Variants in RGS5 observed in about 807,000 individuals in gnomAD.
The protein encoded by RGS5 is regulator of G protein signaling 5, also known as regulator of G-protein signalling 5.
In RGS5, 20 loss-of-function variants were observed where a neutral mutation model predicts 18.9. The observed-to-expected ratio is 1.06, with a 90% CI of 0.74 to 1.54. RGS5 has a LOEUF of 1.54. Ranked by LOEUF, RGS5 falls within the 40% of genes most tolerant of loss-of-function variation. The pLI, the probability that RGS5 is intolerant of heterozygous loss-of-function variation, is 0.00. For synonymous variants in RGS5, 57 were observed against 76.2 expected (o/e 0.75, Z 1.31); for missense variants, 201 against 211.8 (o/e 0.95, Z 0.32).
intron 1 of RGS5, among the ~76,000 whole-genome samples, chr1:163,172,935 T>C (rs1658371566): frequency 6.6e-6 from 1 of 152,094 alleles, no homozygotes; most frequent in African/African-American, 2.4e-5. Context: ...CGTTTCCCTT[T>C]CCTCCCTACC....
At chr1:163,172,640 C>T in intron 1 of RGS5, 1 of 1,544,254 alleles carries the variant, frequency 6.5e-7, no homozygotes, top group Non-Finnish European at 8.7e-7. Context: ...GAAAACACTT[C>T]TTTCTATGGC....
At chr1:163,286,525 G>A (rs189856003) in intron 2 of RGS5, among the ~76,000 whole-genome samples, 19 of 151,530 alleles carry the variant, frequency 1.3e-4, no homozygotes, top group African/African-American at 2.9e-4. Flanking sequence ...GATGTCATTC[G>A]TCTATTTTAT....
At chr1:163,186,320 C>T (rs538870641) in intron 1 of RGS5, among the ~76,000 whole-genome samples, 69 of 152,106 alleles carry the variant, frequency 4.5e-4, no homozygotes, top group African/African-American at 1.6e-3. Context: ...CTGCCCACCT[C>T]GGCCTCCCAA....
intron 1 of RGS5, among the ~76,000 whole-genome samples, chr1:163,208,501 C>G (rs1660011847): frequency 1.2e-5 from 1 of 81,360 alleles, no homozygotes; most frequent in Non-Finnish European, 2.2e-5. Flanking sequence ...GGCAACAGAA[C>G]AAGACTCCAC....
At chr1:163,300,972 T>C (rs772036023) in intron 2 of RGS5, among the ~76,000 whole-genome samples, 2 of 152,178 alleles carry the variant, frequency 1.3e-5, no homozygotes, top group Admixed American at 6.5e-5. Flanking sequence ...GCTACAGGCC[T>C]GGTATGGGAA....
At chr1:163,156,060 G>T (rs1327521565) in intron 3 of RGS5, among the ~76,000 whole-genome samples, 9 of 152,112 alleles carry the variant, frequency 5.9e-5, no homozygotes, top group African/African-American at 1.9e-4. Flanking sequence ...AAGTCAGTTT[G>T]CTACAAAGGA....
rs576035927 is a variant in RGS5, at chr1:163,160,373, T to C, written c.217+1542A>G. ...CCACTAAGGCAAGACAATAAGTCCA[T>C]TAATAAACATAAATATTATTCTACT... is the stretch of plus-strand genomic sequence containing the variant. On this transcript the variant is annotated intron_variant, in intron 3 of 4. Coordinates refer to ENST00000313961, the MANE Select transcript of RGS5 (RefSeq NM_003617.4). Among the ~76,000 whole-genome samples the C allele has an allele frequency of 8.6e-4, 131 of 152,312 alleles. 2 individuals are homozygous for C. Among genetic ancestry groups the C allele is most frequent in the African/African-American group, 3.0e-3 (126 of 41,578 alleles).
intron 2 of RGS5, among the ~76,000 whole-genome samples, chr1:163,285,998 G>GCGCGCACA (rs1553226793): frequency 1.3e-4 from 17 of 135,106 alleles, no homozygotes; most frequent in Middle Eastern, 3.7e-3. Context: ...TTTAATTTAT[G>GCGCGCACA]CACACACACA....
At chr1:163,274,834 A>G (rs1244568166) in intron 2 of RGS5, among the ~76,000 whole-genome samples, 1 of 152,180 alleles carries the variant, frequency 6.6e-6, no homozygotes, top group Non-Finnish European at 1.5e-5. Flanking sequence ...GTGGCCTGGT[A>G]TCACTTACAA....
At chr1:163,321,451 T>C (rs1208310235) in intron 1 of RGS5, 3 of 152,182 alleles carry the variant, frequency 2.0e-5, no homozygotes, top group African/African-American at 7.2e-5. Flanking sequence ...CGCAGAGAAC[T>C]GCATTCTCTG....
intron 1 of RGS5, among the ~76,000 whole-genome samples, chr1:163,186,787 A>G (rs776496823): frequency 6.6e-6 from 1 of 152,140 alleles, no homozygotes; most frequent in Admixed American, 6.5e-5. Flanking sequence ...TTTCTCATCT[A>G]TACAAGAAGG....
intron 1 of RGS5, among the ~76,000 whole-genome samples, chr1:163,317,104 T>C (rs376247559): frequency 2.0e-5 from 3 of 152,278 alleles, no homozygotes; most frequent in East Asian, 3.9e-4. Context: ...TTGCCATGTA[T>C]CTGGACATTG....
intron 2 of RGS5, among the ~76,000 whole-genome samples, chr1:163,241,086 C>T (rs1386803899): frequency 6.6e-6 from 1 of 152,184 alleles, no homozygotes; most frequent in Non-Finnish European, 1.5e-5. Flanking sequence ...GACCCCTGAC[C>T]ACTCTCTCTG....
intron 1 of RGS5, among the ~76,000 whole-genome samples, chr1:163,182,988 T>C (rs956432513): frequency 6.6e-6 from 1 of 151,848 alleles, no homozygotes; most frequent in African/African-American, 2.4e-5. Context: ...GTAAAATTAA[T>C]TGAGATCTTA....
chr1:163,295,610 A>G (rs1018987798), intron 2 of RGS5, among the ~76,000 whole-genome samples: 7 of 152,198 alleles, frequency 4.6e-5, no homozygotes, highest in Middle Eastern at 3.2e-3. Flanking sequence ...GAGTACATGC[A>G]AATTGTTCTC....
At chr1:163,306,489 C>A (rs1024691053) in intron 1 of RGS5, among the ~76,000 whole-genome samples, 1 of 152,152 alleles carries the variant, frequency 6.6e-6, no homozygotes, top group Non-Finnish European at 1.5e-5. Flanking sequence ...CTGGTTTGAG[C>A]CATCAGGCTA....
chr1:163,209,944 T>C (rs989250337), intron 1 of RGS5, among the ~76,000 whole-genome samples: 1 of 152,164 alleles, frequency 6.6e-6, no homozygotes, highest in Non-Finnish European at 1.5e-5. Flanking sequence ...ATAAGTATGA[T>C]ATTGGTTTTA....
intron 2 of RGS5, among the ~76,000 whole-genome samples, chr1:163,245,830 G>T (rs1351513110): frequency 6.6e-6 from 1 of 152,210 alleles, no homozygotes; most frequent in Non-Finnish European, 1.5e-5. Flanking sequence ...ACTCGTTTCT[G>T]TAAAGTTGAG....
At position 163,301,698 on chromosome 1, in the gene RGS5, C is replaced by T. The variant is rs539788417; in HGVS notation, c.-281+4535G>A. Among the ~76,000 whole-genome samples the T allele has an allele frequency of 2.6e-5, 4 of 152,244 alleles. No individual in the cohort carries two copies. In the South Asian group the frequency reaches 8.3e-4, roughly 32 times the overall value. ...TGCTCAATTCTCCCCTTCACTCTGG[C>T]TTTCACAGGCCATAAGCCCCCGTGC... On this transcript the variant is annotated intron_variant, in intron 2 of 5. Coordinates refer to the RGS5 transcript ENST00000618415.
Sources: allele counts gnomAD v4.1 joint callset (sites outside exome capture counted in the v4.1 genomes callset), GRCh38; gene constraint gnomAD v4.1.1; transcripts MANE v1.5; gene names NCBI Gene and HGNC (gene_info 2026-07-23, HGNC 2026-07-21).